Variants in PDCD4 observed in about 807,000 individuals in gnomAD.
PDCD4 encodes programmed cell death 4.
A neutral mutation model predicts 54.0 loss-of-function variants in PDCD4; 56 were observed. That is an observed-to-expected ratio of 1.04 (90% CI 0.84 to 1.30). PDCD4 has a LOEUF of 1.30. Ranked by LOEUF, PDCD4 falls within the 50% of genes most tolerant of loss-of-function variation. PDCD4 has a pLI of 0.00. For missense variants in PDCD4, 584 were observed against 559.8 expected (o/e 1.04, Z -0.44); for synonymous variants, 186 against 194.8 (o/e 0.95, Z 0.37).
intron 8 of PDCD4, among the ~76,000 whole-genome samples, chr10:110,891,406 C>CAA (rs376743141): frequency 0.38 from 25,997 of 68,478 alleles, 6,375 homozygotes; most frequent in Non-Finnish European, 0.48. Context: ...GACTCTGTCT[C>CAA]AAAAAAAAAA....
At chr10:110,874,513 A>G (rs1255598105) in intron 1 of PDCD4, among the ~76,000 whole-genome samples, 4 of 152,182 alleles carry the variant, frequency 2.6e-5, no homozygotes, top group Admixed American at 6.5e-5. Flanking sequence ...GAATCTCTAC[A>G]TATTTTTAAG....
chr10:110,872,967 A>G (rs1845444827), intron 1 of PDCD4, among the ~76,000 whole-genome samples: 1 of 152,210 alleles, frequency 6.6e-6, no homozygotes, highest in South Asian at 2.1e-4. Context: ...GAAAACGATC[A>G]GAAATGCGAT....
intron 2 of PDCD4, among the ~76,000 whole-genome samples, chr10:110,880,111 C>T (rs927397299): frequency 6.6e-6 from 1 of 152,160 alleles, no homozygotes; most frequent in African/African-American, 2.4e-5. Context: ...CAGGGCAAAG[C>T]CAAGTGCCTC....
Position 110,889,618 on chromosome 10 carries a change from G to A in PDCD4, c.863G>A (p.Cys288Tyr), listed in dbSNP as rs776952437. 6 of 1,574,954 alleles carry A rather than the reference G, an allele frequency of 3.8e-6. No homozygotes were observed. The African/African-American group carries it at 8.1e-5, about 21-fold the overall frequency. The change falls in exon 7 of 12, where the codon TGT becomes TAT. Residue 288 changes from cysteine (C) to tyrosine (Y), a missense_variant. Transcript: ENST00000280154. ...YIDSYKGTVD[C>Y]VQARAALDKA... Reference sequence around the variant, plus strand: ...GATAGTTACAAAGGAACTGTAGATTGTGTGCAGGCTAGGTAAGTAAATCAC... The same window carrying A: ...GATAGTTACAAAGGAACTGTAGATTATGTGCAGGCTAGGTAAGTAAATCAC...
chr10:110,876,387 T>C (rs577179342), intron 2 of PDCD4, among the ~76,000 whole-genome samples: 3 of 152,358 alleles, frequency 2.0e-5, no homozygotes, highest in Non-Finnish European at 2.9e-5. Context: ...AGAAAAACTA[T>C]CTTTAAATAC....
At chr10:110,882,766 T>C (rs979343328) in intron 3 of PDCD4, among the ~76,000 whole-genome samples, 1 of 152,224 alleles carries the variant, frequency 6.6e-6, no homozygotes, top group Non-Finnish European at 1.5e-5. Context: ...TTTGCTTTTA[T>C]TTTAAAGCAT....
intron 2 of PDCD4, among the ~76,000 whole-genome samples, chr10:110,880,694 A>C (rs1421638607): frequency 6.6e-6 from 1 of 152,244 alleles, no homozygotes; most frequent in Non-Finnish European, 1.5e-5. Flanking sequence ...TTGGCAAATC[A>C]TTTAAACATT....
In PDCD4 at chr10:110,898,158, G is replaced by GTTTTTT. The variant is rs5787876; in HGVS notation, c.*85_*90dup. 7.8e-6 allele frequency: 3 copies of GTTTTTT among 385,422 alleles called. No individual in the cohort carries two copies. Among genetic ancestry groups the GTTTTTT allele is most frequent in the East Asian group, 4.6e-5 (1 of 21,594 alleles). The allele number at this position is 385,422 out of a possible 1,614,324, so 23.9% of individuals were successfully genotyped here. A position where few individuals can be genotyped will look rare whatever the true frequency, so the allele number is the denominator to read the frequency against. On this transcript the variant is annotated 3_prime_UTR_variant, in exon 12 of 12. Coordinates refer to ENST00000280154, the MANE Select transcript of PDCD4 (RefSeq NM_014456.5). ...TGAATTGTAAGAGTTGTTAGCACAAGTTTTTTTTTTTTTTTTTTTTAAGCA... is the reference window on the plus strand; with the variant it reads ...TGAATTGTAAGAGTTGTTAGCACAAGTTTTTTTTTTTTTTTTTTTTTTTTTTAAGCA...
Position 110,898,017 on chromosome 10 carries a change from C to A in PDCD4, c.1350-11C>A, listed in dbSNP as rs752624993. ...TATCTGTTTTCATGTCTTTTTTTTT[C>A]TTCATTACAGGGGCAGAAAGCGTTT... On this transcript the variant is annotated splice_polypyrimidine_tract_variant and intron_variant, in intron 11 of 11. Coordinates refer to ENST00000280154, the MANE Select transcript of PDCD4 (RefSeq NM_014456.5). 2.6e-6 allele frequency: 4 copies of A among 1,541,064 alleles called. No individual in the cohort carries two copies. In the African/African-American group the frequency reaches 5.6e-5, roughly 22 times the overall value.
chr10:110,887,846 A>T lies in PDCD4; in HGVS notation c.737A>T (p.Asp246Val), dbSNP rs754289029. 7 of 1,613,310 alleles carry T rather than the reference A, an allele frequency of 4.3e-6. No individual in the cohort carries two copies. Among genetic ancestry groups the T allele is most frequent in the Non-Finnish European group, 5.9e-6 (7 of 1,179,366 alleles). The change falls in exon 6 of 12, where the codon GAT (aspartate) becomes GTT (valine). Residue 246 changes from aspartate to valine, a missense_variant. By Grantham distance (152) the Asp-to-Val change is radical. Coordinates refer to ENST00000280154, the MANE Select transcript of PDCD4 (RefSeq NM_014456.5). The part of the protein sequence containing the change: ...VEKSFDKLLK[D>V]LPELALDTPR... Reference sequence around the variant, plus strand: ...AAATCATTTGATAAATTGTTGAAAGATCTACCTGAATTAGCACTGGATACT... The same window carrying T: ...AAATCATTTGATAAATTGTTGAAAGTTCTACCTGAATTAGCACTGGATACT...
intron 2 of PDCD4, 56 bp downstream of exon 2, chr10:110,876,126 C>G (rs1845500685): frequency 2.1e-6 from 3 of 1,446,558 alleles, no homozygotes; most frequent in Non-Finnish European, 2.9e-6. Context: ...GGATCTTGCT[C>G]TGTCACCCAG....
At chr10:110,892,277 C>T (rs1335861144) in intron 8 of PDCD4, among the ~76,000 whole-genome samples, 1 of 152,126 alleles carries the variant, frequency 6.6e-6, no homozygotes, top group Non-Finnish European at 1.5e-5. Flanking sequence ...GATGGTAATA[C>T]TCTCCAAAAT....
At chr10:110,878,494 T>A (rs1195968378) in intron 2 of PDCD4, among the ~76,000 whole-genome samples, 1 of 152,228 alleles carries the variant, frequency 6.6e-6, no homozygotes, top group Non-Finnish European at 1.5e-5. Context: ...AGGTAGATGT[T>A]TAATGTTTTT....
intron 2 of PDCD4, chr10:110,876,749 C>CA: frequency 8.7e-7 from 1 of 1,152,908 alleles, no homozygotes; most frequent in Non-Finnish European, 1.2e-6. Context: ...AATAGATGAC[C>CA]AAATGTGAGT....
At chr10:110,878,445 G>A (rs1467865006) in intron 2 of PDCD4, among the ~76,000 whole-genome samples, 2 of 152,094 alleles carry the variant, frequency 1.3e-5, no homozygotes, top group Non-Finnish European at 2.9e-5. Flanking sequence ...CAGTTTTGTG[G>A]TTCACCTTAA....
At chr10:110,889,408 T>A in intron 6 of PDCD4, 125 bp from the exon 7 acceptor site, 2 of 672,046 alleles carry the variant, frequency 3.0e-6, no homozygotes, top group South Asian at 1.6e-5. Flanking sequence ...TAAAAAAAAA[T>A]TCCAGCATCT....
At chr10:110,888,155 A>G (rs1223873686) in intron 6 of PDCD4, among the ~76,000 whole-genome samples, 10 of 149,056 alleles carry the variant, frequency 6.7e-5, no homozygotes, top group South Asian at 4.2e-4. Context: ...TTTTTTTGCC[A>G]TATATATAGT....
At chr10:110,888,667 T>TGGAA (rs1268803097) in intron 6 of PDCD4, among the ~76,000 whole-genome samples, 1 of 152,160 alleles carries the variant, frequency 6.6e-6, no homozygotes, top group Non-Finnish European at 1.5e-5. Context: ...ATTAAAAAAA[T>TGGAA]GGAATCATAC....
intron 6 of PDCD4, 89 bp from the exon 7 acceptor site, chr10:110,889,443 GC>G (rs1845722298): frequency 1.0e-5 from 8 of 780,404 alleles, no homozygotes; most frequent in Admixed American, 2.2e-5. Context: ...GTGTACTTCA[GC>G]TAATCTTCAT....
Sources: gnomAD v4.1 joint callset for allele counts (sites outside exome capture counted in the v4.1 genomes callset) on GRCh38, gnomAD v4.1.1 for gene constraint, MANE v1.5 for transcripts, NCBI Gene and HGNC (gene_info 2026-07-23, HGNC 2026-07-21) for gene names.